IPCEF1: variants seen among roughly 807,000 people sequenced by gnomAD.
IPCEF1 encodes the protein interaction protein for cytohesin exchange factors 1, also known as interactor protein for cytohesin exchange factors 1.
A neutral mutation model predicts 50.9 loss-of-function variants in IPCEF1; 31 were observed. That is an observed-to-expected ratio of 0.61 (90% CI 0.46 to 0.82). The LOEUF is 0.82. IPCEF1 is among the 40% of genes least tolerant of loss of function. IPCEF1 has a pLI of 0.00. For synonymous variants in IPCEF1, 181 were observed against 192.0 expected (o/e 0.94, Z 0.47); for missense variants, 458 against 514.0 (o/e 0.89, Z 1.05).
chr6:154,211,679 C>T (rs1777975898), intron 9 of IPCEF1, among the ~76,000 whole-genome samples: 1 of 152,038 alleles, frequency 6.6e-6, no homozygotes, highest in Non-Finnish European at 1.5e-5. Context: ...CATGTGTTTA[C>T]AAAGAGAAAT....
At position 154,265,973 on chromosome 6, in the gene IPCEF1, G is replaced by GA. The variant is rs1357830926; in HGVS notation, c.-17-10dup. 5.1e-6 allele frequency: 8 copies of GA among 1,562,784 alleles called. No individual in the cohort carries two copies. Among genetic ancestry groups the GA allele is most frequent in the Non-Finnish European group, 7.0e-6 (8 of 1,143,478 alleles). On this transcript the variant is annotated splice_polypyrimidine_tract_variant and intron_variant, in intron 2 of 11. Transcript: ENST00000367220. ...CTTAGTAGAAACAAAAGCTAGAAGA[G>GA]AAAAAATGTTTTCAGTTAAATGTGA...
chr6:154,220,751 AC>A (rs1421283817), intron 7 of IPCEF1, among the ~76,000 whole-genome samples: 3 of 152,168 alleles, frequency 2.0e-5, no homozygotes, highest in African/African-American at 7.2e-5. Context: ...ATTTTCACAG[AC>A]CACCCTGGAA....
At chr6:154,276,966 GC>G (rs1325547040) in intron 2 of IPCEF1, among the ~76,000 whole-genome samples, 1 of 152,188 alleles carries the variant, frequency 6.6e-6, no homozygotes, top group African/African-American at 2.4e-5. Context: ...CTGCCAAAGG[GC>G]TACTCGTGGG....
chr6:154,289,496 A>G (rs1359460476), intron 2 of IPCEF1, among the ~76,000 whole-genome samples: 3 of 151,852 alleles, frequency 2.0e-5, no homozygotes, highest in African/African-American at 7.3e-5. Context: ...TAAATAAATT[A>G]CTTAATTCTC....
At chr6:154,197,419 A>C (rs1370684364) in intron 10 of IPCEF1, among the ~76,000 whole-genome samples, 5 of 152,236 alleles carry the variant, frequency 3.3e-5, no homozygotes, top group African/African-American at 1.2e-4. Context: ...CAGCAGCAGA[A>C]GAAAATCATC....
At position 154,356,748 on chromosome 6, in the gene IPCEF1, C is replaced by T. The variant is rs573777167; in HGVS notation, c.-138G>A. 1 of 152,308 alleles carries T rather than the reference C, an allele frequency of 6.6e-6. No individual in the cohort carries two copies. The highest frequency in any genetic ancestry group is 6.5e-5 in the Admixed American group (1 of 15,298). The allele number at this position is 152,308 out of a possible 1,614,324, so 9.4% of individuals were successfully genotyped here. ...AGCCTCATAGTACTCTGAGGCCAAG[C>T]TTGAGGATTCTACTTAAAGCAGCCT... On this transcript the variant is annotated 5_prime_UTR_variant, in exon 1 of 12. Transcript: ENST00000367220.
intron 10 of IPCEF1, among the ~76,000 whole-genome samples, chr6:154,174,212 A>G (rs1800110333): frequency 6.6e-6 from 1 of 152,242 alleles, no homozygotes; most frequent in Non-Finnish European, 1.5e-5. Context: ...CAGCCACTGC[A>G]AAAACATGCC....
rs1798678480 is a variant in IPCEF1 at position 154,155,577 on chromosome 6, A to C, written c.*4251T>G. ...TCTGGGAGGCAGAGGCAGGCAGATC[A>C]CCTGAGGTCAGGAGTTTGAAACCAG... On this transcript the variant is annotated 3_prime_UTR_variant, in exon 12 of 12. Coordinates refer to ENST00000367220, the MANE Select transcript of IPCEF1 (RefSeq NM_001130700.2). 6.6e-6 allele frequency: 1 copy of C among 152,170 alleles called. No homozygotes were observed. The highest frequency in any genetic ancestry group is 2.4e-5 in the African/African-American group (1 of 41,406). The allele number at this position is 152,170 out of a possible 1,614,324, so 9.4% of individuals were successfully genotyped here.
At chr6:154,281,433 G>T (rs2128664115) in intron 2 of IPCEF1, among the ~76,000 whole-genome samples, 1 of 152,192 alleles carries the variant, frequency 6.6e-6, no homozygotes, top group South Asian at 2.1e-4. Flanking sequence ...AGGTTGAGAT[G>T]GAGGATCACT....
In IPCEF1 at chr6:154,246,500, T is replaced by C. The variant is rs1050791951; in HGVS notation, c.246+91A>G. The C allele has an allele frequency of 5.0e-6, 7 of 1,404,544 alleles. No individual in the cohort carries two copies. The African/African-American group carries it at 7.2e-5, about 14-fold the overall frequency. The allele number at this position is 1,404,544 out of a possible 1,614,324, so 87.0% of individuals were successfully genotyped here. Reference sequence around the variant, plus strand: ...TTTACTCCGCTCCAATTCCCAGAAATCAAAATGAACTTTCCCATAGGGATC... The same window carrying C: ...TTTACTCCGCTCCAATTCCCAGAAACCAAAATGAACTTTCCCATAGGGATC... On this transcript the variant is annotated intron_variant, in intron 5 of 11. Coordinates refer to ENST00000367220, the MANE Select transcript of IPCEF1 (RefSeq NM_001130700.2).
In IPCEF1 at chr6:154,280,430, T is replaced by TA. The variant is rs3070843; in HGVS notation, c.-18+9282dup. Among the ~76,000 whole-genome samples the TA allele has an allele frequency of 2.8e-4, 43 of 151,096 alleles. No individual in the cohort carries two copies. In the South Asian group the frequency reaches 5.5e-3, roughly 19 times the overall value. On this transcript the variant is annotated intron_variant, in intron 2 of 11. Coordinates refer to ENST00000367220, the MANE Select transcript of IPCEF1 (RefSeq NM_001130700.2). Reference sequence around the variant, plus strand: ...AGAGGTAAATCATTTAAAAAATTGTTAAAAAAAAATGTCCATCAATGGGAA... The same window carrying TA: ...AGAGGTAAATCATTTAAAAAATTGTTAAAAAAAAAATGTCCATCAATGGGAA...
chr6:154,204,200 G>A (rs1181699700), intron 9 of IPCEF1, among the ~76,000 whole-genome samples: 1 of 152,084 alleles, frequency 6.6e-6, no homozygotes, highest in Non-Finnish European at 1.5e-5. Context: ...TCTTGAAGAA[G>A]CATCATTCAA....
chr6:154,283,921 C>T (rs1782291076), intron 2 of IPCEF1, among the ~76,000 whole-genome samples: 1 of 151,882 alleles, frequency 6.6e-6, no homozygotes, highest in Admixed American at 6.6e-5. Context: ...AAATAATAAA[C>T]TGACAAAGAC....
At chr6:154,298,507 G>T (rs1782717265) in intron 1 of IPCEF1, among the ~76,000 whole-genome samples, 1 of 152,168 alleles carries the variant, frequency 6.6e-6, no homozygotes, top group Non-Finnish European at 1.5e-5. Flanking sequence ...AGAGGGCATT[G>T]TTATTTGTTC....
chr6:154,327,339 A>G (rs915487489), intron 1 of IPCEF1, among the ~76,000 whole-genome samples: 5 of 152,214 alleles, frequency 3.3e-5, no homozygotes, highest in Admixed American at 2.0e-4. Context: ...TAATATCCAG[A>G]GTCTACAAGG....
intron 3 of IPCEF1, among the ~76,000 whole-genome samples, chr6:154,260,818 A>G (rs11970039): frequency 0.3 from 46,279 of 151,958 alleles, 7,687 homozygotes; most frequent in Admixed American, 0.49. Context: ...ATATGCTAGT[A>G]TTATTTATTT....
intron 9 of IPCEF1, among the ~76,000 whole-genome samples, chr6:154,201,485 C>T (rs1288357632): frequency 6.6e-6 from 1 of 152,154 alleles, no homozygotes; most frequent in African/African-American, 2.4e-5. Context: ...ATCTAGACTC[C>T]AGTACTCTAC....
At chr6:154,222,950 G>A (rs73789376) in intron 6 of IPCEF1, 244 of 575,004 alleles carry the variant, frequency 4.2e-4, no homozygotes, top group African/African-American at 4.2e-3. Context: ...CCAAGACTTC[G>A]TGGGGGTTTT....
At chr6:154,329,185 G>C (rs1056737802) in intron 1 of IPCEF1, among the ~76,000 whole-genome samples, 1 of 152,154 alleles carries the variant, frequency 6.6e-6, no homozygotes, top group African/African-American at 2.4e-5. Flanking sequence ...GTCGACGGGG[G>C]AGAATCACTT....
Sources: allele counts gnomAD v4.1 joint callset (sites outside exome capture counted in the v4.1 genomes callset), GRCh38; gene constraint gnomAD v4.1.1; transcripts MANE v1.5; gene names NCBI Gene and HGNC (gene_info 2026-07-23, HGNC 2026-07-21).